Variants in SLC38A12 observed in about 807,000 individuals in gnomAD.
SLC38A12 encodes solute carrier family 38 member 12, also known as putative sodium-coupled neutral amino acid transporter 12.
chr17:74,791,014 G>C, the SLC38A12 span: 1 of 1,613,984 alleles, frequency 6.2e-7, no homozygotes, highest in Non-Finnish European at 8.5e-7. Context: ...TGGGACAAAT[G>C]GCCTCCATGT....
chr17:74,833,557 A>G, the SLC38A12 span, among the ~76,000 whole-genome samples: 2 of 152,156 alleles, frequency 1.3e-5, no homozygotes, highest in African/African-American at 4.8e-5. Context: ...CTTTCTTTGG[A>G]GATGTGAGGC....
the SLC38A12 span, among the ~76,000 whole-genome samples, chr17:74,811,191 G>A: frequency 2.0e-5 from 3 of 152,176 alleles, no homozygotes; most frequent in African/African-American, 4.8e-5. Flanking sequence ...TTAGCGAGGC[G>A]TGGTGGCACA....
chr17:74,830,910 G>A, the SLC38A12 span, among the ~76,000 whole-genome samples: 8 of 152,244 alleles, frequency 5.3e-5, no homozygotes, highest in African/African-American at 1.9e-4. Flanking sequence ...CCACTATCAG[G>A]ATGAGCCTGT....
the SLC38A12 span, among the ~76,000 whole-genome samples, chr17:74,825,019 C>A: frequency 6.6e-6 from 1 of 152,206 alleles, no homozygotes; most frequent in African/African-American, 2.4e-5. Flanking sequence ...TGATCCATCA[C>A]CACCGGCAGC....
chr17:74,787,426 T>A, the SLC38A12 span, among the ~76,000 whole-genome samples: 4,660 of 150,470 alleles, frequency 0.031, 232 homozygotes, highest in African/African-American at 0.11. Flanking sequence ...ATCGAGACCA[T>A]CCTGGCTAAC....
chr17:74,793,333 C>T, the SLC38A12 span, among the ~76,000 whole-genome samples: 5 of 152,146 alleles, frequency 3.3e-5, no homozygotes, highest in Admixed American at 2.6e-4. Flanking sequence ...TGTCCTCAGA[C>T]ATTGTCACAT....
the SLC38A12 span, among the ~76,000 whole-genome samples, chr17:74,777,927 A>G: frequency 1.3e-5 from 2 of 152,192 alleles, no homozygotes; most frequent in Non-Finnish European, 2.9e-5. Context: ...AAATAAAGAA[A>G]TAATGTTCAT....
chr17:74,802,653 A>G, the SLC38A12 span, among the ~76,000 whole-genome samples: 2 of 152,154 alleles, frequency 1.3e-5, no homozygotes, highest in South Asian at 4.1e-4. Context: ...TCTGCATTAT[A>G]CTCACAGTAG....
At chr17:74,827,467 T>C in the SLC38A12 span, among the ~76,000 whole-genome samples, 1 of 152,090 alleles carries the variant, frequency 6.6e-6, no homozygotes, top group Admixed American at 6.5e-5. The surrounding 1 kb of genome is among the most constrained non-coding windows in gnomAD (Gnocchi z 4.7). Context: ...AGCTAATTTT[T>C]GTATTTTTAG....
chr17:74,801,243 C>T, the SLC38A12 span, among the ~76,000 whole-genome samples: 49 of 152,354 alleles, frequency 3.2e-4, no homozygotes, highest in African/African-American at 1.1e-3. Context: ...CTAGAAAGGT[C>T]GGGTTTGTTT....
chr17:74,783,721 CTTTTTTTTTTTTTT>C, the SLC38A12 span, among the ~76,000 whole-genome samples: 10 of 104,002 alleles, frequency 9.6e-5, no homozygotes, highest in Non-Finnish European at 1.5e-4. Context: ...CATGCTTTTT[CTTTTTTTTTTTTTT>C]TTTTTTTTTT....
At chr17:74,835,895 C>T in the SLC38A12 span, 2 of 1,572,612 alleles carry the variant, frequency 1.3e-6, no homozygotes, top group Non-Finnish European at 1.7e-6. Flanking sequence ...GTGCCTGTCC[C>T]CACCAGGTGA....
chr17:74,833,627 A>T, the SLC38A12 span, among the ~76,000 whole-genome samples: 1,908 of 152,322 alleles, frequency 0.013, 44 homozygotes, highest in African/African-American at 0.043. Context: ...GAGCAGTGGC[A>T]GGGATGCTCA....
At chr17:74,814,485 C>G in the SLC38A12 span, among the ~76,000 whole-genome samples, 1 of 152,222 alleles carries the variant, frequency 6.6e-6, no homozygotes. Flanking sequence ...AGTGGGTAAA[C>G]TCAGAGCCAT....
the SLC38A12 span, among the ~76,000 whole-genome samples, chr17:74,793,452 G>A: frequency 2.6e-5 from 4 of 152,294 alleles, no homozygotes; most frequent in African/African-American, 7.2e-5. Flanking sequence ...TGGTGGGGCT[G>A]CCTCCTCTAT....
At chr17:74,813,481 T>C in the SLC38A12 span, among the ~76,000 whole-genome samples, 1 of 150,708 alleles carries the variant, frequency 6.6e-6, no homozygotes. Flanking sequence ...CTTGTGGGTT[T>C]TTTGTTTTGT....
the SLC38A12 span, chr17:74,819,646 G>A: frequency 1.1e-4 from 123 of 1,136,248 alleles, no homozygotes; most frequent in African/African-American, 2.6e-4. Context: ...AGTCAGGCCC[G>A]GCCTTAGCTA....
the SLC38A12 span, chr17:74,776,683 G>A: frequency 6.5e-6 from 1 of 153,642 alleles, no homozygotes; most frequent in Non-Finnish European, 1.5e-5. Flanking sequence ...CCAGGAGGGA[G>A]AGAGAGGGAG....
the SLC38A12 span, among the ~76,000 whole-genome samples, chr17:74,823,859 A>G: frequency 6.6e-6 from 1 of 152,242 alleles, no homozygotes; most frequent in African/African-American, 2.4e-5. Flanking sequence ...ATTTACTCCC[A>G]AGGTGCACAG....
Sources: allele counts gnomAD v4.1 joint callset (sites outside exome capture counted in the v4.1 genomes callset), GRCh38; gene constraint gnomAD v4.1.1; non-coding constraint Gnocchi (gnomAD v3.1); transcripts MANE v1.5; gene names NCBI Gene and HGNC (gene_info 2026-07-23, HGNC 2026-07-21).